PTPRK: variants seen among roughly 807,000 people sequenced by gnomAD.
The protein encoded by PTPRK is protein tyrosine phosphatase receptor type K.
Under a neutral mutation model 178.0 loss-of-function variants are expected in PTPRK, and 75 were observed. The observed-to-expected ratio is 0.42, with a 90% CI of 0.35 to 0.51. The LOEUF is 0.51. Among genes scored for constraint, PTPRK ranks in the 20% least tolerant of loss-of-function variants. PTPRK has a pLI of 0.02. For synonymous variants in PTPRK, 637 were observed against 620.6 expected, an observed-to-expected ratio of 1.03 and a Z score of -0.39; for missense variants, 1,441 against 1,797.8, an observed-to-expected ratio of 0.80 and a Z score of 3.59.
chr6:128,428,092 G>A (rs970048059), intron 1 of PTPRK, among the ~76,000 whole-genome samples: 2 of 150,286 alleles, frequency 1.3e-5, no homozygotes, highest in African/African-American at 2.4e-5. Flanking sequence ...ACTCCGTCTC[G>A]AAAAAAAAGA....
rs1356611382 is a variant in PTPRK at position 127,969,606 on chromosome 6, A to T, written c.*621T>A. ...CATCAAAAAAGGAATGTAAGTAACC[A>T]ATAAATATAATGTGCTTTCTCCATA... On this transcript the variant is annotated 3_prime_UTR_variant, in exon 30 of 30. Coordinates refer to ENST00000368226, the MANE Select transcript of PTPRK (RefSeq NM_002844.4). The T allele has an allele frequency of 6.6e-6, 1 of 152,170 alleles. No homozygotes were observed. The allele number at this position is 152,170 out of a possible 1,614,324, so 9.4% of individuals were successfully genotyped here. A position where few individuals can be genotyped will look rare whatever the true frequency, so the allele number is the denominator to read the frequency against.
rs550016554 is a variant in PTPRK at position 128,465,618 on chromosome 6, C to G, written c.100+54641G>C. The stretch of plus-strand genomic sequence containing the variant: ...ACTTGTCCAGAACAAAATGAAAATG[C>G]AGGCCTTTTATTCAAACACCAGGAA... On this transcript the variant is annotated intron_variant, in intron 1 of 29. Transcript: ENST00000368226. Among the ~76,000 whole-genome samples, 22 of 152,220 alleles carry G rather than the reference C, an allele frequency of 1.4e-4. No homozygotes were observed. In the South Asian group the frequency reaches 3.3e-3, roughly 23 times the overall value.
At chr6:128,466,858 T>G (rs1188762708) in intron 1 of PTPRK, among the ~76,000 whole-genome samples, 1 of 152,040 alleles carries the variant, frequency 6.6e-6, no homozygotes, top group Non-Finnish European at 1.5e-5. Context: ...TACAAATGAA[T>G]AAACCCTTAA....
intron 13 of PTPRK, among the ~76,000 whole-genome samples, chr6:128,063,696 A>G (rs949360483): frequency 2.0e-5 from 3 of 152,204 alleles, no homozygotes; most frequent in Non-Finnish European, 4.4e-5. Context: ...AAAAACTACC[A>G]AAAGGAATCT....
At chr6:127,995,358 C>T in intron 18 of PTPRK, 104 bp downstream of exon 18, 1 of 1,529,682 alleles carries the variant, frequency 6.5e-7, no homozygotes, top group Non-Finnish European at 9.0e-7. Flanking sequence ...ACAGTTTGTA[C>T]TTTTATATTT....
chr6:128,066,410 A>G (rs987306772), intron 12 of PTPRK, among the ~76,000 whole-genome samples: 23 of 152,158 alleles, frequency 1.5e-4, no homozygotes, highest in African/African-American at 5.1e-4. Flanking sequence ...AGGCAAGCAA[A>G]CAACAAAGCT....
At chr6:128,418,449 G>A (rs761491601) in intron 1 of PTPRK, among the ~76,000 whole-genome samples, 1 of 152,180 alleles carries the variant, frequency 6.6e-6, no homozygotes, top group Non-Finnish European at 1.5e-5. Flanking sequence ...CAGATCAGCT[G>A]AGGCATTAGA....
intron 13 of PTPRK, among the ~76,000 whole-genome samples, chr6:128,059,577 A>C (rs1371074065): frequency 1.3e-5 from 2 of 152,134 alleles, no homozygotes; most frequent in Non-Finnish European, 2.9e-5. Context: ...ACAGCATTAC[A>C]AATTAGGTTA....
At chr6:128,389,878 A>C (rs138931028) in intron 2 of PTPRK, among the ~76,000 whole-genome samples, 112 of 152,084 alleles carry the variant, frequency 7.4e-4, no homozygotes, top group Middle Eastern at 3.4e-3. Context: ...TAATTTAGAC[A>C]TTTTTCATGT....
At chr6:128,520,143 C>T (rs926358414) in intron 1 of PTPRK, 116 bp downstream of exon 1, 1 of 905,516 alleles carries the variant, frequency 1.1e-6, no homozygotes, top group Non-Finnish European at 1.7e-6. Context: ...TGTTCCCCAC[C>T]CCCGGACAGA....
At chr6:128,423,645 T>C (rs988804530) in intron 1 of PTPRK, among the ~76,000 whole-genome samples, 5 of 151,914 alleles carry the variant, frequency 3.3e-5, no homozygotes, top group South Asian at 2.1e-4. Context: ...CTGACCAAGA[T>C]AGTGAAACCC....
intron 6 of PTPRK, among the ~76,000 whole-genome samples, chr6:128,197,271 G>A (rs1459438504): frequency 2.1e-5 from 3 of 144,994 alleles, no homozygotes; most frequent in African/African-American, 7.7e-5. Flanking sequence ...GTATACATGT[G>A]CCACGGTGGT....
At chr6:128,464,638 C>CATATATATATATATATATATATATAT (rs10665667) in intron 1 of PTPRK, among the ~76,000 whole-genome samples, 1 of 48,608 alleles carries the variant, frequency 2.1e-5, no homozygotes, top group Non-Finnish European at 3.5e-5. Context: ...TATATATACA[C>CATATATATATATATATATATATATAT]ATATATATAT....
chr6:128,427,368 C>G (rs1028892140), intron 1 of PTPRK, among the ~76,000 whole-genome samples: 4 of 152,174 alleles, frequency 2.6e-5, no homozygotes, highest in Non-Finnish European at 5.9e-5. Flanking sequence ...CACACCACTC[C>G]CTTGCCTGCC....
chr6:128,484,875 A>T (rs889793927), intron 1 of PTPRK, among the ~76,000 whole-genome samples: 7 of 152,194 alleles, frequency 4.6e-5, no homozygotes, highest in African/African-American at 1.2e-4. Context: ...AATGCAAATC[A>T]AATCCACAAC....
chr6:128,042,876 G>C (rs1329888822), intron 13 of PTPRK, among the ~76,000 whole-genome samples: 1 of 152,010 alleles, frequency 6.6e-6, no homozygotes, highest in African/African-American at 2.4e-5. Flanking sequence ...TAAAGGTTGT[G>C]AGGGGGAGAT....
chr6:128,056,780 C>T (rs1489141975), intron 13 of PTPRK, among the ~76,000 whole-genome samples: 1 of 152,016 alleles, frequency 6.6e-6, no homozygotes. Context: ...AGTTTGAAAA[C>T]CTGAACTGCA....
intron 7 of PTPRK, among the ~76,000 whole-genome samples, chr6:128,132,781 C>T (rs181558130): frequency 2.4e-4 from 37 of 152,278 alleles, no homozygotes; most frequent in African/African-American, 6.7e-4. Context: ...ATAGATAAAA[C>T]GGCAAAAACT....
At chr6:128,128,567 C>T (rs1280834448) in intron 7 of PTPRK, among the ~76,000 whole-genome samples, 1 of 152,192 alleles carries the variant, frequency 6.6e-6, no homozygotes, top group Non-Finnish European at 1.5e-5. Context: ...TACTGTGCTT[C>T]TCAAAAGAGA....
Sources: gnomAD v4.1 joint callset for allele counts (sites outside exome capture counted in the v4.1 genomes callset) on GRCh38, gnomAD v4.1.1 for gene constraint, MANE v1.5 for transcripts, NCBI Gene and HGNC (gene_info 2026-07-23, HGNC 2026-07-21) for gene names.